NOL4L: variants seen among roughly 807,000 people sequenced by gnomAD.
The protein encoded by NOL4L is nucleolar protein 4 like, also known as nucleolar protein 4-like.
A neutral mutation model predicts 64.5 loss-of-function variants in NOL4L; 7 were observed. The ratio of observed to expected loss-of-function variants is 0.11; its 90% CI spans 0.06 to 0.20. NOL4L has a LOEUF of 0.20. Among genes scored for constraint, NOL4L ranks in the 10% least tolerant of loss-of-function variants. The probability of loss-of-function intolerance (pLI) is 1.00; values close to 1 mark genes in which losing one functional copy is unlikely to be tolerated. For synonymous variants in NOL4L, 413 were observed against 401.0 expected (o/e 1.03, Z -0.36); for missense variants, 680 against 967.1 (o/e 0.70, Z 3.94).
chr20:32,489,849 C>A (rs1194421214), intron 4 of NOL4L, among the ~76,000 whole-genome samples: 2 of 150,152 alleles, frequency 1.3e-5, no homozygotes, highest in African/African-American at 4.9e-5. Flanking sequence ...AGTTTTCTGG[C>A]CTGGCATGGT....
chr20:32,578,108 A>AAGGAAGGAAGGAAGGAAGG (rs1980228404), intron 1 of NOL4L, among the ~76,000 whole-genome samples: 2 of 88,282 alleles, frequency 2.3e-5, no homozygotes, highest in South Asian at 9.2e-4. Context: ...AGAAAGAGAG[A>AAGGAAGGAAGGAAGGAAGG]AAGGAAGGAA....
chr20:32,537,422 G>T (rs2018566187), intron 1 of NOL4L, among the ~76,000 whole-genome samples: 1 of 152,226 alleles, frequency 6.6e-6, no homozygotes, highest in South Asian at 2.1e-4. Flanking sequence ...CACCTACTGT[G>T]TGCCAAGCAC....
chr20:32,462,259 G>T (rs1454230577), intron 5 of NOL4L, among the ~76,000 whole-genome samples: 1 of 152,216 alleles, frequency 6.6e-6, no homozygotes, highest in Non-Finnish European at 1.5e-5. Flanking sequence ...TTTCCTTATT[G>T]GTTAGGCCGG....
At chr20:32,483,260 C>T in intron 4 of NOL4L, 1 of 710,742 alleles carries the variant, frequency 1.4e-6, no homozygotes, top group Non-Finnish European at 1.7e-6. Flanking sequence ...CCTCGCCCCC[C>T]TAACCGCAGC....
intron 4 of NOL4L, among the ~76,000 whole-genome samples, chr20:32,493,234 C>T (rs377647363): frequency 1.6e-4 from 25 of 152,160 alleles, no homozygotes; most frequent in Admixed American, 5.2e-4. Context: ...TACGTTCACT[C>T]GGTCCAAGGA....
chr20:32,477,937 TG>T (rs1239609763), intron 4 of NOL4L, among the ~76,000 whole-genome samples: 1 of 152,230 alleles, frequency 6.6e-6, no homozygotes, highest in African/African-American at 2.4e-5. Context: ...TTCAGGCTAA[TG>T]GTTTTATTAG....
chr20:32,499,015 G>T (rs184202382), intron 4 of NOL4L, among the ~76,000 whole-genome samples: 1 of 152,032 alleles, frequency 6.6e-6, no homozygotes, highest in Non-Finnish European at 1.5e-5. Context: ...GAGTACCTGG[G>T]ATTACAGGCT....
At chr20:32,459,097 C>T (rs774134778) in intron 5 of NOL4L, among the ~76,000 whole-genome samples, 4 of 152,200 alleles carry the variant, frequency 2.6e-5, no homozygotes, top group Admixed American at 6.5e-5. Context: ...CTGGTCTGGC[C>T]AGGGAAGTGG....
intron 5 of NOL4L, among the ~76,000 whole-genome samples, chr20:32,472,069 C>T (rs994949613): frequency 2.0e-5 from 3 of 152,176 alleles, no homozygotes; most frequent in East Asian, 1.9e-4. Context: ...CCCACACTCC[C>T]GGCGAAAAGA....
At chr20:32,522,137 C>G (rs1377899291) in intron 2 of NOL4L, among the ~76,000 whole-genome samples, 1 of 152,194 alleles carries the variant, frequency 6.6e-6, no homozygotes, top group East Asian at 1.9e-4. Context: ...TTGGGGTGTC[C>G]CAGGCTGTGG....
chr20:32,474,905 C>T (rs1348690597), intron 4 of NOL4L, 163 bp from the exon 5 acceptor site: 2 of 985,312 alleles, frequency 2.0e-6, no homozygotes, highest in African/African-American at 3.5e-5. Context: ...CTCCCCCTTG[C>T]CCGGTGGAAG....
At chr20:32,516,499 G>A (rs145356885) in intron 3 of NOL4L, among the ~76,000 whole-genome samples, 5 of 152,068 alleles carry the variant, frequency 3.3e-5, no homozygotes, top group South Asian at 4.1e-4. Flanking sequence ...CCCCGGAGTC[G>A]CTCAAGGAAG....
chr20:32,476,966 G>A (rs1157463790), intron 4 of NOL4L, among the ~76,000 whole-genome samples: 1 of 152,240 alleles, frequency 6.6e-6, no homozygotes, highest in African/African-American at 2.4e-5. Flanking sequence ...CAAGCTGCTG[G>A]GTTTGAGGAG....
intron 4 of NOL4L, among the ~76,000 whole-genome samples, chr20:32,487,368 A>G (rs1222744119): frequency 2.7e-4 from 14 of 52,760 alleles, no homozygotes; most frequent in Middle Eastern, 0.023. Flanking sequence ...GGTGGGGGAG[A>G]GGCAGAGGAT....
At chr20:32,472,199 TGTTTGTTC>T (rs1297145385) in intron 5 of NOL4L, among the ~76,000 whole-genome samples, 1 of 152,150 alleles carries the variant, frequency 6.6e-6, no homozygotes, top group East Asian at 1.9e-4. Flanking sequence ...TCTCAGTAAA[TGTTTGTTC>T]GTTTGTTCAT....
rs760252506 is a variant in NOL4L at position 32,465,020 on chromosome 20, T to G, written c.842-8625A>C. On this transcript the variant is annotated intron_variant, in intron 5 of 10. Coordinates refer to ENST00000621426, the MANE Select transcript of NOL4L (RefSeq NM_001256798.2). Reference sequence around the variant, plus strand: ...ATCTTCCCCTAAAACTGAAATCATTTCTCTCTGCAGAGACCCTGGGGTTCC... The same window carrying G: ...ATCTTCCCCTAAAACTGAAATCATTGCTCTCTGCAGAGACCCTGGGGTTCC... 10 of 625,398 alleles carry G rather than the reference T, an allele frequency of 1.6e-5. 2 individuals are homozygous for G. The South Asian group carries it at 1.8e-4, about 11-fold the overall frequency. The allele number at this position is 625,398 out of a possible 1,614,324, so 38.7% of individuals were successfully genotyped here. A position where few individuals can be genotyped will look rare whatever the true frequency, so the allele number is the denominator to read the frequency against.
At chr20:32,583,560 G>A (rs1980644237) in intron 1 of NOL4L, among the ~76,000 whole-genome samples, 4 of 149,514 alleles carry the variant, frequency 2.7e-5, no homozygotes, top group Non-Finnish European at 4.5e-5. Flanking sequence ...AGGCCGGCGC[G>A]GCCCGACCGG....
At chr20:32,536,766 G>A (rs1163293211) in intron 1 of NOL4L, among the ~76,000 whole-genome samples, 1 of 141,468 alleles carries the variant, frequency 7.1e-6, no homozygotes, top group Non-Finnish European at 1.6e-5. Context: ...CAGTGCAGGG[G>A]GGACGGCTCC....
chr20:32,466,365 C>G (rs1471731478), intron 5 of NOL4L, among the ~76,000 whole-genome samples: 3 of 152,166 alleles, frequency 2.0e-5, no homozygotes, highest in Non-Finnish European at 4.4e-5. Context: ...TAGGCCCTGC[C>G]CACTCCTGGA....
Sources: gnomAD v4.1 joint callset for allele counts (sites outside exome capture counted in the v4.1 genomes callset) on GRCh38, gnomAD v4.1.1 for gene constraint, MANE v1.5 for transcripts, NCBI Gene and HGNC (gene_info 2026-07-23, HGNC 2026-07-21) for gene names.